NFIA: variants seen among roughly 807,000 people sequenced by gnomAD.
The protein encoded by NFIA is nuclear factor 1 A-type.
Under a neutral mutation model 62.8 loss-of-function variants are expected in NFIA, and 8 were observed. The ratio of observed to expected loss-of-function variants is 0.13; its 90% CI spans 0.07 to 0.23. The LOEUF is 0.23. NFIA is among the 10% of genes least tolerant of loss of function. The pLI is 1.00. For missense variants in NFIA, 410 were observed against 642.1 expected (o/e 0.64, Z 3.91); for synonymous variants, 235 against 238.1 (o/e 0.99, Z 0.12).
chr1:61,096,212 T>TTTG (rs903077624), intron 2 of NFIA, among the ~76,000 whole-genome samples: 3 of 152,108 alleles, frequency 2.0e-5, no homozygotes. Context: ...TGAGCTTTTT[T>TTTG]TTGTTGTTGT....
chr1:61,089,707 T>G (rs866067636), intron 2 of NFIA, among the ~76,000 whole-genome samples: 15 of 150,484 alleles, frequency 1.0e-4, no homozygotes, highest in African/African-American at 2.9e-4. Context: ...TTTTTTTTTT[T>G]TTTTTTTACA....
chr1:61,359,344 C>T (rs1663158859), intron 6 of NFIA, 70 bp downstream of exon 6: 2 of 1,603,400 alleles, frequency 1.2e-6, no homozygotes, highest in East Asian at 4.5e-5. Context: ...GGTCCCATGC[C>T]ACGCATAAAA....
intron 2 of NFIA, among the ~76,000 whole-genome samples, chr1:61,201,094 C>G (rs1303416821): frequency 6.6e-6 from 1 of 152,142 alleles, no homozygotes; most frequent in Non-Finnish European, 1.5e-5. Context: ...GCAATATAAG[C>G]CAAGATATGT....
chr1:61,299,352 G>A (rs1018379357), intron 3 of NFIA, among the ~76,000 whole-genome samples: 1 of 152,082 alleles, frequency 6.6e-6, no homozygotes, highest in African/African-American at 2.4e-5. Flanking sequence ...CTTGATCTGG[G>A]TCTGTCTTAG....
At chr1:61,281,718 C>G (rs1658145884) in intron 3 of NFIA, among the ~76,000 whole-genome samples, 1 of 152,148 alleles carries the variant, frequency 6.6e-6, no homozygotes, top group Non-Finnish European at 1.5e-5. Flanking sequence ...TCCTAGATGT[C>G]TTTAATTTTA....
Position 61,315,600 on chromosome 1 carries a change from T to C in NFIA, c.626-16912T>C, listed in dbSNP as rs554350508. Reference sequence around the variant, plus strand: ...TAAAAATGACAGATATTCAATAAAGTATCAGAATGATTAGAGGGAAAAATA... The same window carrying C: ...TAAAAATGACAGATATTCAATAAAGCATCAGAATGATTAGAGGGAAAAATA... On this transcript the variant is annotated intron_variant, in intron 3 of 10. Transcript: ENST00000403491. Among the ~76,000 whole-genome samples, 3 of 152,292 alleles carry C rather than the reference T, an allele frequency of 2.0e-5. No homozygotes were observed. The South Asian group carries it at 6.2e-4, about 32-fold the overall frequency.
chr1:61,147,400 C>CT (rs1374254441), intron 2 of NFIA, among the ~76,000 whole-genome samples: 5 of 152,208 alleles, frequency 3.3e-5, no homozygotes, highest in African/African-American at 1.2e-4. Flanking sequence ...ATCTGCCCGC[C>CT]TCGGCCTCCC....
chr1:61,375,332 A>G (rs1664095040), intron 6 of NFIA, among the ~76,000 whole-genome samples: 1 of 152,162 alleles, frequency 6.6e-6, no homozygotes, highest in African/African-American at 2.4e-5. Flanking sequence ...TCTGATGGAC[A>G]TGACTGAGCT....
intron 2 of NFIA, among the ~76,000 whole-genome samples, chr1:61,225,589 G>C (rs1654284863): frequency 6.7e-6 from 1 of 148,850 alleles, no homozygotes. Context: ...GAAAGAGATG[G>C]AGCAACTATA....
intron 2 of NFIA, among the ~76,000 whole-genome samples, chr1:61,264,480 C>G (rs1657011039): frequency 6.6e-6 from 1 of 151,288 alleles, no homozygotes; most frequent in Non-Finnish European, 1.5e-5. Context: ...CCTGTCTCTA[C>G]TAAAAAATAC....
At position 61,300,508 on chromosome 1, in the gene NFIA, C is replaced by T. The variant is rs556961484; in HGVS notation, c.625+22923C>T. Among the ~76,000 whole-genome samples the T allele has an allele frequency of 3.3e-5, 5 of 152,114 alleles. No individual in the cohort carries two copies. The South Asian group carries it at 8.3e-4, about 25-fold the overall frequency. ...AGCATGGCTATTTCTATATATTCTTCGATAGCCCACAGAAATTTATTTAAA... is the reference window on the plus strand; with the variant it reads ...AGCATGGCTATTTCTATATATTCTTTGATAGCCCACAGAAATTTATTTAAA... On this transcript the variant is annotated intron_variant, in intron 3 of 10. Transcript: ENST00000403491.
At chr1:61,281,634 G>T (rs1043398021) in intron 3 of NFIA, among the ~76,000 whole-genome samples, 1 of 152,118 alleles carries the variant, frequency 6.6e-6, no homozygotes, top group Non-Finnish European at 1.5e-5. Context: ...CCAGGGAATT[G>T]CAAAAAGGAT....
intron 3 of NFIA, among the ~76,000 whole-genome samples, chr1:61,318,884 G>T (rs78104652): frequency 6.6e-6 from 1 of 152,118 alleles, no homozygotes; most frequent in African/African-American, 2.4e-5. Flanking sequence ...AGAAACTAGA[G>T]TAGTTAGCAA....
chr1:61,263,469 G>A (rs1301323933), intron 2 of NFIA, among the ~76,000 whole-genome samples: 6 of 152,144 alleles, frequency 3.9e-5, no homozygotes, highest in Non-Finnish European at 7.3e-5. Context: ...ACACACAGGC[G>A]CCCCAGCCTT....
At chr1:61,173,902 G>A (rs1650148752) in intron 2 of NFIA, among the ~76,000 whole-genome samples, 1 of 152,154 alleles carries the variant, frequency 6.6e-6, no homozygotes, top group Non-Finnish European at 1.5e-5. Context: ...AGAGAATTAA[G>A]TGAGGTAATG....
intron 4 of NFIA, among the ~76,000 whole-genome samples, chr1:61,345,240 A>C (rs79516764): frequency 0.041 from 6,210 of 152,272 alleles, 420 homozygotes; most frequent in African/African-American, 0.14. Context: ...AGGAGCCTTC[A>C]ACACAATTTA....
intron 9 of NFIA, among the ~76,000 whole-genome samples, chr1:61,407,953 A>C (rs761490128): frequency 3.9e-4 from 60 of 152,282 alleles, no homozygotes; most frequent in African/African-American, 1.4e-3. Context: ...TAGTGAATAC[A>C]GGAGGGAAAG....
chr1:61,135,744 G>C (rs540567527), intron 2 of NFIA, among the ~76,000 whole-genome samples: 2 of 152,206 alleles, frequency 1.3e-5, no homozygotes, highest in South Asian at 4.2e-4. Context: ...CCAAAATATT[G>C]TTAGTGTTGA....
At chr1:61,349,317 A>AT (rs1172233168) in intron 4 of NFIA, among the ~76,000 whole-genome samples, 10 of 151,852 alleles carry the variant, frequency 6.6e-5, no homozygotes, top group Non-Finnish European at 1.3e-4. Context: ...TCAGTCTTCC[A>AT]TTTTTTTTAG....
Sources: allele counts gnomAD v4.1 joint callset (sites outside exome capture counted in the v4.1 genomes callset), GRCh38; gene constraint gnomAD v4.1.1; transcripts MANE v1.5; gene names NCBI Gene and HGNC (gene_info 2026-07-23, HGNC 2026-07-21).